ASCC3: variants seen among roughly 807,000 people sequenced by gnomAD.
ASCC3 encodes activating signal cointegrator 1 complex subunit 3, also known as ASC-1 complex subunit P200.
Under a neutral mutation model 256.3 loss-of-function variants are expected in ASCC3, and 158 were observed. The observed-to-expected ratio is 0.62, with a 90% CI of 0.54 to 0.70. ASCC3 has a LOEUF of 0.70. Ranked by LOEUF, ASCC3 falls within the 30% of genes least tolerant of loss-of-function variation. The probability of loss-of-function intolerance (pLI) is 0.00; values close to 1 mark genes in which losing one functional copy is unlikely to be tolerated. For synonymous variants in ASCC3, 948 were observed against 883.4 expected (o/e 1.07, Z -1.30); for missense variants, 2,259 against 2,626.0 (o/e 0.86, Z 3.05).
intron 13 of ASCC3, among the ~76,000 whole-genome samples, chr6:100,712,603 A>C (rs1415291418): frequency 6.6e-6 from 1 of 152,204 alleles, no homozygotes; most frequent in East Asian, 1.9e-4. Flanking sequence ...AAATATTGAC[A>C]AAACCAAATG....
In ASCC3 at chr6:100,725,603, A is replaced by G. The variant is rs1392408763; in HGVS notation, c.1838T>C (p.Val613Ala). Residue 613 changes from valine to alanine, a missense_variant, in exon 11 of 42, where the codon GTT becomes GCT. Transcript: ENST00000369162. ...TCCTCTATCTTCATGCAGCAAATGA[A>G]CTTCATCAAGAATAAGGAGCCTTAC... ...QIVRLLILDEVHLLHEDRGPV... is the reference protein window; with the variant it reads ...QIVRLLILDEAHLLHEDRGPV... The G allele has an allele frequency of 6.2e-7, 1 of 1,612,708 alleles. No individual in the cohort carries two copies. The highest frequency in any genetic ancestry group is 1.3e-5 in the African/African-American group (1 of 74,836).
At chr6:100,512,662 C>G in intron 40 of ASCC3, 47 bp downstream of exon 40, 1 of 1,565,500 alleles carries the variant, frequency 6.4e-7, no homozygotes, top group Non-Finnish European at 8.8e-7. Context: ...GTGGTGCATG[C>G]TGGTATTTGG....
At chr6:100,827,593 A>T (rs1363077457) in intron 4 of ASCC3, among the ~76,000 whole-genome samples, 1 of 152,168 alleles carries the variant, frequency 6.6e-6, no homozygotes, top group African/African-American at 2.4e-5. Flanking sequence ...AGGATATCTC[A>T]GCTGCTTCCA....
At chr6:100,602,432 A>T (rs1475235824) in intron 33 of ASCC3, among the ~76,000 whole-genome samples, 1 of 152,024 alleles carries the variant, frequency 6.6e-6, no homozygotes, top group Non-Finnish European at 1.5e-5. Context: ...TGGAAAATAA[A>T]TTGCTAGGTG....
At chr6:100,612,919 GAAGT>G (rs1462026208) in intron 30 of ASCC3, among the ~76,000 whole-genome samples, 1 of 136,138 alleles carries the variant, frequency 7.3e-6, no homozygotes, top group Non-Finnish European at 1.6e-5. Flanking sequence ...AATTACATGT[GAAGT>G]AAATATATAA....
At chr6:100,527,167 C>T (rs2114633814) in intron 37 of ASCC3, among the ~76,000 whole-genome samples, 1 of 152,176 alleles carries the variant, frequency 6.6e-6, no homozygotes, top group South Asian at 2.1e-4. Flanking sequence ...ACAAAAGACC[C>T]CAATGTATGC....
Position 100,517,468 on chromosome 6 carries a change from T to C in ASCC3, c.5927+523A>G, listed in dbSNP as rs149967379. ...CACTGTTCTTTTCCCTGCAAACATATTTCAGTCATGTACATGAGACTTACG... is the reference window on the plus strand; with the variant it reads ...CACTGTTCTTTTCCCTGCAAACATACTTCAGTCATGTACATGAGACTTACG... On this transcript the variant is annotated intron_variant, in intron 38 of 41. Transcript: ENST00000369162. 2.1e-3 allele frequency among the ~76,000 whole-genome samples: 319 copies of C among 152,240 alleles called. 1 individual carries two copies. Among genetic ancestry groups the C allele is most frequent in the Middle Eastern group, 0.02 (6 of 294 alleles).
At chr6:100,601,681 C>T in intron 34 of ASCC3, 129 bp downstream of exon 34, 1 of 1,047,660 alleles carries the variant, frequency 9.5e-7, no homozygotes. Context: ...ATTCTTTAGA[C>T]AAATTCATAT....
intron 37 of ASCC3, among the ~76,000 whole-genome samples, chr6:100,525,805 A>G (rs1314706017): frequency 6.6e-6 from 1 of 152,222 alleles, no homozygotes; most frequent in East Asian, 1.9e-4. Context: ...ATGTAAAACT[A>G]TTCTCAAGCA....
intron 13 of ASCC3, among the ~76,000 whole-genome samples, chr6:100,694,311 T>TA (rs369515563): frequency 0.031 from 4,114 of 130,756 alleles, 58 homozygotes; most frequent in African/African-American, 0.059. Flanking sequence ...TAGAATAAAT[T>TA]AAAAAAAAAA....
intron 8 of ASCC3, among the ~76,000 whole-genome samples, chr6:100,793,434 A>G (rs1195332447): frequency 6.6e-6 from 1 of 152,054 alleles, no homozygotes; most frequent in Non-Finnish European, 1.5e-5. Flanking sequence ...TGTTTATTAT[A>G]CTGTCACACA....
At chr6:100,569,635 C>A (rs950856259) in intron 36 of ASCC3, among the ~76,000 whole-genome samples, 1 of 152,168 alleles carries the variant, frequency 6.6e-6, no homozygotes, top group African/African-American at 2.4e-5. Context: ...CCGCCCTCCT[C>A]AGCCTCCCAA....
intron 20 of ASCC3, 119 bp from the exon 21 acceptor site, chr6:100,647,570 G>A (rs907167754): frequency 1.2e-6 from 1 of 827,646 alleles, no homozygotes; most frequent in Non-Finnish European, 2.0e-6. Context: ...TCCTTGAATT[G>A]TGGGGCAATA....
At chr6:100,539,868 G>A (rs904667614) in intron 37 of ASCC3, among the ~76,000 whole-genome samples, 8 of 151,994 alleles carry the variant, frequency 5.3e-5, no homozygotes, top group African/African-American at 1.4e-4. Context: ...GTGAAAGTCC[G>A]TTAACAGAAG....
intron 36 of ASCC3, among the ~76,000 whole-genome samples, chr6:100,588,011 T>G (rs1371777094): frequency 6.6e-6 from 1 of 152,148 alleles, no homozygotes; most frequent in Non-Finnish European, 1.5e-5. Flanking sequence ...CCCACCTCAG[T>G]GCTTTCCACC....
chr6:100,545,101 C>T (rs1562108178), intron 36 of ASCC3, among the ~76,000 whole-genome samples: 1 of 152,134 alleles, frequency 6.6e-6, no homozygotes, highest in South Asian at 2.1e-4. Flanking sequence ...CAAAGTTCAA[C>T]ATCCATGCCT....
At chr6:100,575,159 C>G (rs1336495352) in intron 36 of ASCC3, among the ~76,000 whole-genome samples, 3 of 152,018 alleles carry the variant, frequency 2.0e-5, no homozygotes, top group African/African-American at 7.2e-5. Context: ...GAGGTGTTCA[C>G]TATTATTCAG....
intron 24 of ASCC3, among the ~76,000 whole-genome samples, chr6:100,639,313 GTGGGAGT>G (rs1774997380): frequency 6.6e-6 from 1 of 152,140 alleles, no homozygotes; most frequent in African/African-American, 2.4e-5. Context: ...AGAAAATTGG[GTGGGAGT>G]TTTAAAGCAA....
At chr6:100,673,556 T>TA (rs1447993921) in intron 14 of ASCC3, among the ~76,000 whole-genome samples, 1 of 152,116 alleles carries the variant, frequency 6.6e-6, no homozygotes, top group East Asian at 1.9e-4. Flanking sequence ...AAAATTTCCT[T>TA]AAAAGGAATA....
Sources: gnomAD v4.1 joint callset for allele counts (sites outside exome capture counted in the v4.1 genomes callset) on GRCh38, gnomAD v4.1.1 for gene constraint, MANE v1.5 for transcripts, NCBI Gene and HGNC (gene_info 2026-07-23, HGNC 2026-07-21) for gene names.